Variants in SHC3 observed in about 807,000 individuals in gnomAD.
The protein encoded by SHC3 is SHC adaptor protein 3.
SHC3 carries 15 observed loss-of-function variants against 60.4 expected under a neutral mutation model. The observed-to-expected ratio is 0.25, with a 90% CI of 0.17 to 0.38. The LOEUF is 0.38. Ranked by LOEUF, SHC3 falls within the 10% of genes least tolerant of loss-of-function variation. The probability of loss-of-function intolerance (pLI) is 1.00; values close to 1 mark genes in which losing one functional copy is unlikely to be tolerated. For synonymous variants in SHC3, 294 were observed against 325.9 expected (o/e 0.90, Z 1.05); for missense variants, 677 against 786.1 (o/e 0.86, Z 1.66).
intron 1 of SHC3, among the ~76,000 whole-genome samples, chr9:89,156,687 C>G (rs1300237962): frequency 1.3e-5 from 2 of 152,126 alleles, no homozygotes; most frequent in African/African-American, 2.4e-5. Context: ...CTAGACCCCA[C>G]CAAATGGAGC....
chr9:89,009,033 AC>A lies in SHC3; in HGVS notation c.*4413del. The stretch of plus-strand genomic sequence containing the variant: ...TTTTGAGATGGAGCACAGATGTAGA[AC>A]CCCTGGAGGGAAGCACTGCTTGCCA... On this transcript the variant is annotated 3_prime_UTR_variant, in exon 12 of 12. Coordinates refer to ENST00000375835, the MANE Select transcript of SHC3 (RefSeq NM_016848.6). The A allele has an allele frequency of 6.6e-6, 1 of 152,202 alleles. No individual in the cohort carries two copies. Among genetic ancestry groups the A allele is most frequent in the Non-Finnish European group, 1.5e-5 (1 of 68,060 alleles). The allele number at this position is 152,202 out of a possible 1,614,324, so 9.4% of individuals were successfully genotyped here. A position where few individuals can be genotyped will look rare whatever the true frequency, so the allele number is the denominator to read the frequency against.
At chr9:89,048,807 T>C (rs139881640) in intron 7 of SHC3, among the ~76,000 whole-genome samples, 52 of 152,230 alleles carry the variant, frequency 3.4e-4, no homozygotes, top group Middle Eastern at 6.8e-3. Context: ...GGAGCGGAGC[T>C]GAAACGGAAG....
At chr9:89,131,632 A>G (rs1241138696) in intron 1 of SHC3, among the ~76,000 whole-genome samples, 2 of 152,234 alleles carry the variant, frequency 1.3e-5, no homozygotes, top group African/African-American at 4.8e-5. Context: ...GTAATCCATC[A>G]TATAAACAGA....
At chr9:89,065,352 T>C (rs1183983458) in intron 6 of SHC3, among the ~76,000 whole-genome samples, 177 bp downstream of exon 6, 2 of 152,164 alleles carry the variant, frequency 1.3e-5, no homozygotes, top group Admixed American at 1.3e-4. Flanking sequence ...AGAGGTCCGG[T>C]ACCTCCTAAC....
Position 89,011,280 on chromosome 9 carries a change from A to G in SHC3, c.*2167T>C, listed in dbSNP as rs530563368. The G allele has an allele frequency of 4.5e-4, 69 of 152,352 alleles. No homozygotes were observed. Among genetic ancestry groups the G allele is most frequent in the African/African-American group, 1.6e-3 (65 of 41,582 alleles). The allele number at this position is 152,352 out of a possible 1,614,324, so 9.4% of individuals were successfully genotyped here. On this transcript the variant is annotated 3_prime_UTR_variant, in exon 12 of 12. Transcript: ENST00000375835. ...AGACACTGACTTCACAGCAAGAGCT[A>G]CTAAAGCTGCAGGTTACCATTCAAG...
At chr9:89,052,218 C>T in intron 6 of SHC3, 55 bp from the exon 7 acceptor site, 3 of 1,605,522 alleles carry the variant, frequency 1.9e-6, no homozygotes, top group Admixed American at 3.4e-5. Flanking sequence ...GCTACCTGGG[C>T]TCCTCTACAA....
At position 89,013,287 on chromosome 9, in the gene SHC3, C is replaced by A; in HGVS notation, c.*160G>T. ...TAATATGCATATGAGAAATTCAGAA[C>A]CAAGTTTATGAAACTTGACCTTAAA... On this transcript the variant is annotated 3_prime_UTR_variant, in exon 12 of 12. Transcript: ENST00000375835. The A allele has an allele frequency of 1.2e-6, 1 of 818,350 alleles. No individual in the cohort carries two copies. The highest frequency in any genetic ancestry group is 1.7e-6 in the Non-Finnish European group (1 of 581,736). 50.7% of individuals were successfully genotyped at this position (818,350 alleles called of 1,614,324 possible).
chr9:89,075,929 T>A (rs951218032), intron 3 of SHC3, among the ~76,000 whole-genome samples: 1 of 152,158 alleles, frequency 6.6e-6, no homozygotes, highest in Non-Finnish European at 1.5e-5. Context: ...GGTACCTGGG[T>A]GGGCAATGCC....
At chr9:89,075,360 A>G (rs1825340794) in intron 3 of SHC3, 132 bp from the exon 4 acceptor site, 1 of 1,232,378 alleles carries the variant, frequency 8.1e-7, no homozygotes, top group African/African-American at 1.5e-5. Context: ...CAAAATGTGA[A>G]ATGAATAAGC....
intron 1 of SHC3, among the ~76,000 whole-genome samples, chr9:89,167,117 A>AGGAG (rs979686085): frequency 6.9e-6 from 1 of 144,264 alleles, no homozygotes; most frequent in Non-Finnish European, 1.5e-5. Flanking sequence ...GGGGTCCAGC[A>AGGAG]GGAGGGAGGG....
rs192483896 is a variant in SHC3, at chr9:89,031,322, A to T, written c.1656+6671T>A. ...ATTCGCAGATACATTCATTATCATC[A>T]CTGTCAATCTTAGAACATTTTCATC... On this transcript the variant is annotated intron_variant, in intron 11 of 11. Transcript: ENST00000375835. 2.6e-5 allele frequency among the ~76,000 whole-genome samples: 4 copies of T among 152,268 alleles called. No homozygotes were observed. The East Asian group carries it at 7.7e-4, about 29-fold the overall frequency.
At chr9:89,140,470 T>A (rs543636324) in intron 1 of SHC3, among the ~76,000 whole-genome samples, 2 of 152,230 alleles carry the variant, frequency 1.3e-5, no homozygotes, top group South Asian at 4.1e-4. Context: ...CCATACTTCC[T>A]AGGTGGCCAA....
At chr9:89,058,670 G>A (rs1410918388) in intron 6 of SHC3, among the ~76,000 whole-genome samples, 1 of 148,440 alleles carries the variant, frequency 6.7e-6, no homozygotes, top group Non-Finnish European at 1.5e-5. Flanking sequence ...GTGGAGGATG[G>A]TGGTGTAGGA....
At chr9:89,063,095 A>G (rs1047424968) in intron 6 of SHC3, among the ~76,000 whole-genome samples, 5 of 152,194 alleles carry the variant, frequency 3.3e-5, no homozygotes, top group Admixed American at 1.3e-4. Context: ...CTTGAAGGGT[A>G]CATGTGGCTT....
intron 1 of SHC3, among the ~76,000 whole-genome samples, chr9:89,116,195 C>T (rs969471480): frequency 1.3e-5 from 2 of 152,168 alleles, no homozygotes; most frequent in African/African-American, 2.4e-5. Flanking sequence ...AATACCACAA[C>T]CATGAGTGGA....
rs570139417 is a variant in SHC3, at chr9:89,069,034, T to G, written c.783+2165A>C. On this transcript the variant is annotated intron_variant, in intron 5 of 11. Coordinates refer to ENST00000375835, the MANE Select transcript of SHC3 (RefSeq NM_016848.6). The stretch of plus-strand genomic sequence containing the variant: ...CTGAAGAAATGCACCTTGGGCCAGG[T>G]GCAGTGGCTCATGCCTGTAATCCCA... Among the ~76,000 whole-genome samples, 13 of 152,262 alleles carry G rather than the reference T, an allele frequency of 8.5e-5. No homozygotes were observed. In the South Asian group the frequency reaches 2.3e-3, roughly 27 times the overall value.
intron 9 of SHC3, among the ~76,000 whole-genome samples, chr9:89,043,348 C>T (rs1455833138): frequency 1.3e-5 from 2 of 152,202 alleles, no homozygotes; most frequent in African/African-American, 4.8e-5. Context: ...ATTGAAGAGT[C>T]TAGTCAGATT....
intron 1 of SHC3, among the ~76,000 whole-genome samples, chr9:89,133,242 A>G (rs1293958261): frequency 6.6e-6 from 1 of 152,216 alleles, no homozygotes; most frequent in Non-Finnish European, 1.5e-5. Context: ...AATGGCGATC[A>G]TTAAAAAGTC....
intron 11 of SHC3, among the ~76,000 whole-genome samples, chr9:89,018,573 C>A (rs113118456): frequency 2.0e-5 from 3 of 151,894 alleles, no homozygotes; most frequent in African/African-American, 4.8e-5. Context: ...CACCATGGCA[C>A]GTGTATGCCT....
Sources: allele counts gnomAD v4.1 joint callset (sites outside exome capture counted in the v4.1 genomes callset), GRCh38; gene constraint gnomAD v4.1.1; transcripts MANE v1.5; gene names NCBI Gene and HGNC (gene_info 2026-07-23, HGNC 2026-07-21).